Variants in ACCS observed in about 807,000 individuals in gnomAD.
ACCS encodes the protein 1-aminocyclopropane-1-carboxylate synthase homolog (inactive), also known as 1-aminocyclopropane-1-carboxylate synthase-like protein 1.
A neutral mutation model predicts 59.8 loss-of-function variants in ACCS; 42 were observed. The observed-to-expected ratio is 0.70, with a 90% CI of 0.55 to 0.91. ACCS has a LOEUF of 0.91. Among genes scored for constraint, ACCS ranks in the 40% least tolerant of loss-of-function variants. ACCS has a pLI of 0.00. For missense variants in ACCS, 602 were observed against 630.4 expected, an observed-to-expected ratio of 0.95 and a Z score of 0.48; for synonymous variants, 230 against 240.3, an observed-to-expected ratio of 0.96 and a Z score of 0.40.
At chr11:44,079,681 C>T (rs1953550740) in intron 10 of ACCS, 61 bp downstream of exon 10, 1 of 1,494,952 alleles carries the variant, frequency 6.7e-7, no homozygotes, top group South Asian at 1.2e-5. Flanking sequence ...GCCCTGGCCA[C>T]TTTCTGGCTC....
intron 12 of ACCS, 78 bp downstream of exon 12, chr11:44,081,398 C>T: frequency 6.4e-7 from 1 of 1,569,086 alleles, no homozygotes; most frequent in South Asian, 1.2e-5. Context: ...ATCATAGATA[C>T]TTCTCCTATG....
Position 44,078,706 on chromosome 11 carries a change from T to C in ACCS, c.755T>C (p.Ile252Thr). ...HSEGVKVKGL[I>T]LISPQNPLGD... ...CAGGGTGTGAAGGTCAAAGGCCTCA[T>C]CCTCATCAGCCCCCAGAACCCTCTG... The change falls in exon 9 of 15, where the codon ATC (isoleucine) becomes ACC (threonine). Residue 252 changes from isoleucine (I) to threonine (T), a missense_variant. Coordinates refer to ENST00000263776, the MANE Select transcript of ACCS (RefSeq NM_032592.4). 1 of 1,614,008 alleles carries C rather than the reference T, an allele frequency of 6.2e-7. No individual in the cohort carries two copies. Among genetic ancestry groups the C allele is most frequent in the African/African-American group, 1.3e-5 (1 of 75,004 alleles).
At chr11:44,072,215 T>G (rs922957272) in intron 3 of ACCS, 3 of 152,060 alleles carry the variant, frequency 2.0e-5, no homozygotes, top group African/African-American at 7.2e-5. Flanking sequence ...TGGAGTGTAG[T>G]GGTGTGATCT....
Position 44,073,450 on chromosome 11 carries a change from A to G in ACCS, c.352A>G (p.Ser118Gly). 1 of 1,606,694 alleles carries G rather than the reference A, an allele frequency of 6.2e-7. No homozygotes were observed. The highest frequency in any genetic ancestry group is 8.5e-7 in the Non-Finnish European group (1 of 1,177,138). ...LCFDLLSWRLSQRDMQRVEPS... is the reference protein window; with the variant it reads ...LCFDLLSWRLGQRDMQRVEPS... ...GCTCTTCCCTCTCTGTCCCCAGCTG[A>G]GTCAGCGCGACATGCAGAGGGTGGA... is the stretch of plus-strand genomic sequence containing the variant. Residue 118 changes from serine to glycine, a missense_variant, in exon 4 of 15, where the codon AGT (serine) becomes GGT (glycine). Coordinates refer to ENST00000263776, the MANE Select transcript of ACCS (RefSeq NM_032592.4).
chr11:44,067,371 C>T (rs1039083465), intron 1 of ACCS: 18 of 407,858 alleles, frequency 4.4e-5, no homozygotes, highest in Admixed American at 3.7e-4. Context: ...AAGTAGAACA[C>T]GCTAAAGCAG....
At chr11:44,077,732 C>T in intron 7 of ACCS, 113 bp from the exon 8 acceptor site, 1 of 1,478,972 alleles carries the variant, frequency 6.8e-7, no homozygotes, top group Non-Finnish European at 9.0e-7. Context: ...TTTCCAGAGA[C>T]TCTTCTGAGG....
In ACCS at chr11:44,075,553, C is replaced by G; in HGVS notation, c.517C>G (p.Leu173Val). ...GGTTGTCCTGAATGGTGGTGCCTCG[C>G]TCTTCTCTGCTCTGGCCACGGTGCT... ...NVVVLNGGAS[L>V]FSALATVLCE... The change falls in exon 6 of 15, where the codon CTC becomes GTC. Residue 173 changes from leucine (L) to valine (V), a missense_variant. Leu to Val is a conservative substitution (Grantham distance 32). Transcript: ENST00000263776. The G allele has an allele frequency of 6.2e-7, 1 of 1,614,210 alleles. No individual in the cohort carries two copies. Among genetic ancestry groups the G allele is most frequent in the South Asian group, 1.1e-5 (1 of 91,086 alleles).
chr11:44,076,840 G>T (rs1208385876), intron 6 of ACCS, among the ~76,000 whole-genome samples: 1 of 152,226 alleles, frequency 6.6e-6, no homozygotes, highest in Non-Finnish European at 1.5e-5. Context: ...GGCTGGGGAG[G>T]CCTCACAGTC....
chr11:44,075,984 T>C, intron 6 of ACCS: 1 of 174,988 alleles, frequency 5.7e-6, no homozygotes, highest in African/African-American at 2.3e-5. Context: ...CTGACCAGAA[T>C]GGACTCATAT....
At chr11:44,073,197 T>A in intron 3 of ACCS, 9 of 501,142 alleles carry the variant, frequency 1.8e-5, no homozygotes, top group East Asian at 3.6e-5. Context: ...AATGCCAGAC[T>A]AGGAGTCAAA....
intron 2 of ACCS, among the ~76,000 whole-genome samples, chr11:44,069,687 C>T (rs1952959921): frequency 6.6e-6 from 1 of 152,148 alleles, no homozygotes; most frequent in Non-Finnish European, 1.5e-5. Flanking sequence ...TTCAGTCCTT[C>T]TCCACGTGGG....
Position 44,083,500 on chromosome 11 carries a change from T to C in ACCS, c.1331T>C (p.Phe444Ser), listed in dbSNP as rs776945210. 3.1e-6 allele frequency: 5 copies of C among 1,614,120 alleles called. No homozygotes were observed. The African/African-American group carries it at 6.7e-5, about 22-fold the overall frequency. ...TTGGACAACAAGGTGCTGCTGTCCT[T>C]TGGCAAGGCCTTCGAGTGTAAAGAG... Reference protein sequence around the residue: ...RFLDNKVLLSFGKAFECKEPG... With the variant: ...RFLDNKVLLSSGKAFECKEPG... Residue 444 changes from phenylalanine to serine, a missense_variant, in exon 14 of 15, where the codon TTT becomes TCT. Transcript: ENST00000263776.
At chr11:44,083,658 C>T (rs1240406796) in intron 14 of ACCS, 37 bp from the exon 15 acceptor site, 5 of 1,614,060 alleles carry the variant, frequency 3.1e-6, no homozygotes, top group Non-Finnish European at 4.2e-6. Context: ...CCCACGTGGC[C>T]ATCAGTGCCA....
In ACCS at chr11:44,075,575, T is replaced by A. The variant is rs1213100041; in HGVS notation, c.539T>A (p.Val180Glu). Residue 180 changes from valine (V) to glutamate (E), a missense_variant, in exon 6 of 15, where the codon GTG becomes GAG. By Grantham distance (121) the Val-to-Glu change is moderately radical (BLOSUM62 -2). Coordinates refer to ENST00000263776, the MANE Select transcript of ACCS (RefSeq NM_032592.4). ...TCGCTCTTCTCTGCTCTGGCCACGG[T>A]GCTGTGTGAGGCCGGGGGTAAGTGA... is the stretch of plus-strand genomic sequence containing the variant. ...GASLFSALAT[V>E]LCEAGEAFLI... 1.9e-6 allele frequency: 3 copies of A among 1,614,158 alleles called. 1 individual carries two copies. The South Asian group carries it at 3.3e-5, about 18-fold the overall frequency.
At chr11:44,078,109 C>A in intron 8 of ACCS, 187 bp downstream of exon 8, 1 of 706,706 alleles carries the variant, frequency 1.4e-6, no homozygotes, top group Non-Finnish European at 2.3e-6. Context: ...AGGGTCTTCC[C>A]TTTCAAAACA....
chr11:44,069,813 CCTAA>C (rs1331007733), intron 2 of ACCS, among the ~76,000 whole-genome samples: 1 of 152,202 alleles, frequency 6.6e-6, no homozygotes, highest in East Asian at 1.9e-4. Flanking sequence ...CTCTTTATAA[CCTAA>C]CTTTGGAAGT....
At chr11:44,083,383 AG>A (rs747037389) in intron 13 of ACCS, 40 bp from the exon 14 acceptor site, 8 of 1,612,982 alleles carry the variant, frequency 5.0e-6, no homozygotes, top group Non-Finnish European at 6.8e-6. Context: ...GCAGTTGGTG[AG>A]GGGTCTCAGC....
intron 12 of ACCS, among the ~76,000 whole-genome samples, chr11:44,081,622 T>A (rs1953644900): frequency 6.6e-6 from 1 of 152,218 alleles, no homozygotes; most frequent in African/African-American, 2.4e-5. Flanking sequence ...GCCTGGCATA[T>A]AATAGGCACT....
At chr11:44,071,435 C>T (rs1953045975) in intron 3 of ACCS, 120 bp downstream of exon 3, 1 of 1,145,356 alleles carries the variant, frequency 8.7e-7, no homozygotes, top group Admixed American at 2.0e-5. Flanking sequence ...AATCAGGAGA[C>T]CCGGGTTCCA....
Sources: allele counts gnomAD v4.1 joint callset (sites outside exome capture counted in the v4.1 genomes callset), GRCh38; gene constraint gnomAD v4.1.1; transcripts MANE v1.5; gene names NCBI Gene and HGNC (gene_info 2026-07-23, HGNC 2026-07-21).